The following PDE11A variants were observed in gnomAD, a reference collection of about 807,000 sequenced individuals.
The protein encoded by PDE11A is dual 3',5'-cyclic-AMP and -GMP phosphodiesterase 11A.
PDE11A carries 100 observed loss-of-function variants against 100.5 expected under a neutral mutation model. The ratio of observed to expected loss-of-function variants is 1.00; its 90% CI spans 0.85 to 1.18. PDE11A has a LOEUF of 1.18. Among genes scored for constraint, PDE11A ranks in the 50% most tolerant of loss-of-function variants. The pLI, the probability that PDE11A is intolerant of heterozygous loss-of-function variation, is 0.00. For missense variants in PDE11A, 1,141 were observed against 1,152.6 expected (o/e 0.99, Z 0.15); for synonymous variants, 381 against 420.8 (o/e 0.91, Z 1.16).
At chr2:177,689,857 AC>A (rs1251704565) in intron 15 of PDE11A, among the ~76,000 whole-genome samples, 3 of 152,184 alleles carry the variant, frequency 2.0e-5, no homozygotes, top group Non-Finnish European at 4.4e-5. Context: ...GTTCATTCAA[AC>A]CACAATCACC....
At chr2:177,637,977 G>A (rs11680530) in intron 19 of PDE11A, among the ~76,000 whole-genome samples, 73,412 of 114,998 alleles carry the variant, frequency 0.64, 25,614 homozygotes, top group Admixed American at 0.75. Context: ...ATATATACAC[G>A]TGTATATATA....
intron 1 of PDE11A, among the ~76,000 whole-genome samples, chr2:178,043,249 A>C (rs1273673691): frequency 6.6e-6 from 1 of 152,194 alleles, no homozygotes; most frequent in Non-Finnish European, 1.5e-5. Context: ...GATGATTCAC[A>C]TTGATGGCTT....
chr2:177,799,207 G>A (rs1020510616), intron 9 of PDE11A, among the ~76,000 whole-genome samples: 5 of 152,168 alleles, frequency 3.3e-5, no homozygotes, highest in Non-Finnish European at 5.9e-5. Context: ...CAGCCAGGGA[G>A]AGTCTAAGGA....
In PDE11A at chr2:177,869,607, T is replaced by C. The variant is rs180934205; in HGVS notation, c.1367+6252A>G. ...CCAGAATAATCTCCCTATTTTAACA[T>C]CAATTGATTAGTTATCTTAATTATC... On this transcript the variant is annotated intron_variant, in intron 5 of 19. Coordinates refer to ENST00000286063, the MANE Select transcript of PDE11A (RefSeq NM_016953.4). Among the ~76,000 whole-genome samples the C allele has an allele frequency of 4.3e-3, 659 of 152,336 alleles. 2 individuals are homozygous for C. The highest frequency in any genetic ancestry group is 6.5e-3 in the Non-Finnish European group (445 of 68,032).
intron 13 of PDE11A, among the ~76,000 whole-genome samples, chr2:177,704,831 T>C (rs2081255411): frequency 6.6e-6 from 1 of 152,078 alleles, no homozygotes; most frequent in Non-Finnish European, 1.5e-5. Flanking sequence ...TTATCTACTT[T>C]TAATTGATTG....
Position 177,771,199 on chromosome 2 carries a change from C to T in PDE11A, c.1738-1826G>A, listed in dbSNP as rs557977039. On this transcript the variant is annotated intron_variant, in intron 9 of 19. Coordinates refer to ENST00000286063, the MANE Select transcript of PDE11A (RefSeq NM_016953.4). ...TGCTAACTCCTTCTTCACCTACAAA[C>T]CTTAGAGAATCACAGTGCATATTTG... is the stretch of plus-strand genomic sequence containing the variant. Among the ~76,000 whole-genome samples the T allele has an allele frequency of 2.6e-4, 39 of 152,322 alleles. No individual in the cohort carries two copies. The East Asian group carries it at 6.4e-3, about 25-fold the overall frequency.
At chr2:177,737,657 G>C (rs1362795230) in intron 10 of PDE11A, among the ~76,000 whole-genome samples, 1 of 151,896 alleles carries the variant, frequency 6.6e-6, no homozygotes, top group South Asian at 2.1e-4. Flanking sequence ...ATGCTGGGAG[G>C]GTGGGAGTGG....
chr2:177,652,942 T>C (rs552341299), intron 19 of PDE11A, among the ~76,000 whole-genome samples: 1 of 152,292 alleles, frequency 6.6e-6, no homozygotes, highest in African/African-American at 2.4e-5. Flanking sequence ...GTGGACCTTA[T>C]CTGTTTGCAT....
chr2:177,951,324 A>G (rs1480619348), intron 2 of PDE11A, among the ~76,000 whole-genome samples: 1 of 152,240 alleles, frequency 6.6e-6, no homozygotes, highest in Non-Finnish European at 1.5e-5. Flanking sequence ...GTGAAAGTTT[A>G]TTATGACAGT....
intron 8 of PDE11A, 136 bp from the exon 9 acceptor site, chr2:177,817,057 GC>G: frequency 1.5e-6 from 1 of 686,562 alleles, no homozygotes; most frequent in South Asian, 1.6e-5. Flanking sequence ...GGGGAAATAG[GC>G]ACATTAAAAT....
At chr2:177,902,830 G>A (rs1484907145) in intron 3 of PDE11A, among the ~76,000 whole-genome samples, 3 of 152,132 alleles carry the variant, frequency 2.0e-5, no homozygotes, top group Non-Finnish European at 4.4e-5. Flanking sequence ...TGATTTTGGA[G>A]GAAATCTGTC....
At chr2:178,066,617 C>A in intron 1 of PDE11A, among the ~76,000 whole-genome samples, 1 of 152,138 alleles carries the variant, frequency 6.6e-6, no homozygotes, top group Non-Finnish European at 1.5e-5. Context: ...GAGGGAGAGG[C>A]CCACATTCAT....
intron 2 of PDE11A, chr2:178,104,263 C>T: frequency 1.3e-6 from 2 of 1,574,274 alleles, no homozygotes; most frequent in Non-Finnish European, 1.7e-6. Flanking sequence ...TTCTTTCCTA[C>T]AGTGTATCTG....
intron 9 of PDE11A, among the ~76,000 whole-genome samples, chr2:177,791,301 A>G (rs970015149): frequency 2.7e-5 from 4 of 148,438 alleles, no homozygotes; most frequent in African/African-American, 9.9e-5. Context: ...AAAGCCAAAC[A>G]CTGCATGTTC....
chr2:177,801,243 G>A (rs2082789628), intron 9 of PDE11A, among the ~76,000 whole-genome samples: 1 of 152,028 alleles, frequency 6.6e-6, no homozygotes, highest in Non-Finnish European at 1.5e-5. Flanking sequence ...AAAACATCCT[G>A]CTTTATTTTC....
At chr2:178,042,850 G>A (rs1011649756) in intron 1 of PDE11A, among the ~76,000 whole-genome samples, 3 of 152,144 alleles carry the variant, frequency 2.0e-5, no homozygotes, top group Non-Finnish European at 4.4e-5. Context: ...TTAGGGGCAA[G>A]AGCGCTTAAC....
intron 1 of PDE11A, among the ~76,000 whole-genome samples, chr2:178,049,732 C>A (rs993540733): frequency 6.6e-6 from 1 of 152,188 alleles, no homozygotes; most frequent in African/African-American, 2.4e-5. Flanking sequence ...GGGTCCCACA[C>A]CCACGGAGTC....
chr2:178,037,619 C>T (rs1002840767), intron 1 of PDE11A, among the ~76,000 whole-genome samples: 1 of 152,142 alleles, frequency 6.6e-6, no homozygotes, highest in African/African-American at 2.4e-5. Context: ...ATGGAACCAA[C>T]CCAAATGCCC....
At chr2:177,674,649 A>G (rs57538850) in intron 17 of PDE11A, among the ~76,000 whole-genome samples, 13,762 of 152,286 alleles carry the variant, frequency 0.09, 726 homozygotes, top group East Asian at 0.17. Flanking sequence ...TACAGGTTCC[A>G]GAGATTAGGA....
Sources: allele counts gnomAD v4.1 joint callset (sites outside exome capture counted in the v4.1 genomes callset), GRCh38; gene constraint gnomAD v4.1.1; transcripts MANE v1.5; gene names NCBI Gene and HGNC (gene_info 2026-07-23, HGNC 2026-07-21).